The following EEA1 variants were observed in gnomAD, a reference collection of about 807,000 sequenced individuals.
EEA1 encodes the protein early endosome antigen 1.
A neutral mutation model predicts 209.2 loss-of-function variants in EEA1; 111 were observed. The ratio of observed to expected loss-of-function variants is 0.53; its 90% confidence interval spans 0.45 to 0.62. The LOEUF (loss-of-function observed/expected upper bound fraction) is 0.62. EEA1 is among the 20% of genes least tolerant of loss of function. The pLI, the probability that EEA1 is intolerant of heterozygous loss-of-function variation, is 0.00. For synonymous variants in EEA1, 536 were observed against 540.6 expected (o/e 0.99, Z 0.12); for missense variants, 1,343 against 1,530.8 (o/e 0.88, Z 2.05).
At chr12:92,866,148 T>G (rs368192793) in intron 2 of EEA1, among the ~76,000 whole-genome samples, 45 of 129,062 alleles carry the variant, frequency 3.5e-4, no homozygotes, top group African/African-American at 1.3e-3. Context: ...GCCAAGATCA[T>G]GTCACTGTAC....
intron 2 of EEA1, among the ~76,000 whole-genome samples, chr12:92,881,530 G>C (rs1879142716): frequency 6.6e-6 from 1 of 152,192 alleles, no homozygotes; most frequent in African/African-American, 2.4e-5. Context: ...AAAAACACCA[G>C]AAGAGAGGTA....
intron 10 of EEA1, among the ~76,000 whole-genome samples, chr12:92,833,535 T>G (rs187129882): frequency 6.6e-6 from 1 of 152,232 alleles, no homozygotes; most frequent in East Asian, 1.9e-4. Context: ...TCAGTGGGGT[T>G]GTAAAAATTA....
intron 3 of EEA1, chr12:92,859,411 T>C (rs1307256399): frequency 8.2e-6 from 5 of 611,186 alleles, no homozygotes; most frequent in Non-Finnish European, 1.2e-5. Context: ...CTCTAGTCAA[T>C]GACATGAATT....
chr12:92,827,185 G>A (rs61933752), intron 12 of EEA1, among the ~76,000 whole-genome samples: 31,612 of 151,918 alleles, frequency 0.21, 4,443 homozygotes, highest in Non-Finnish European at 0.31. Context: ...GTAAAACCCT[G>A]TCTCTACCAA....
At chr12:92,877,749 G>T (rs891919154) in intron 2 of EEA1, among the ~76,000 whole-genome samples, 2 of 152,054 alleles carry the variant, frequency 1.3e-5, no homozygotes, top group Non-Finnish European at 2.9e-5. Context: ...CTGATCTCGT[G>T]ATCTTGGCCT....
chr12:92,814,416 T>C (rs1311409028), intron 15 of EEA1, among the ~76,000 whole-genome samples: 1 of 152,218 alleles, frequency 6.6e-6, no homozygotes, highest in Non-Finnish European at 1.5e-5. Context: ...ATTTCATCTA[T>C]CTGAGGAACC....
intron 13 of EEA1, among the ~76,000 whole-genome samples, chr12:92,822,768 C>T (rs1436054198): frequency 1.3e-5 from 2 of 152,130 alleles, no homozygotes; most frequent in African/African-American, 2.4e-5. Context: ...TCTGATGTCT[C>T]TCTCGGTTAA....
intron 1 of EEA1, among the ~76,000 whole-genome samples, chr12:92,916,975 A>G (rs1479223941): frequency 6.6e-6 from 1 of 151,818 alleles, no homozygotes; most frequent in East Asian, 1.9e-4. Flanking sequence ...GACGCGATCA[A>G]CTGGAAGAAA....
chr12:92,869,790 G>GAAAAAAAAAAAAA (rs1230847458), intron 2 of EEA1, among the ~76,000 whole-genome samples: 6 of 69,050 alleles, frequency 8.7e-5, no homozygotes, highest in Non-Finnish European at 1.3e-4. Flanking sequence ...AAAAAAAAAG[G>GAAAAAAAAAAAAA]AAAGCCCTTA....
chr12:92,838,484 G>C (rs2136698480), intron 10 of EEA1, among the ~76,000 whole-genome samples: 1 of 152,296 alleles, frequency 6.6e-6, no homozygotes, highest in Non-Finnish European at 1.5e-5. Context: ...TTATGTAGAA[G>C]TTTTCTACGT....
intron 1 of EEA1, among the ~76,000 whole-genome samples, chr12:92,921,759 G>GAA (rs751838383): frequency 9.1e-5 from 7 of 76,718 alleles, no homozygotes; most frequent in East Asian, 1.1e-3. Context: ...TAAAAAAAAA[G>GAA]AAAAAAAAAA....
intron 27 of EEA1, 37 bp from the exon 28 acceptor site, chr12:92,776,979 C>T (rs1179618261): frequency 6.3e-7 from 1 of 1,589,560 alleles, no homozygotes. Context: ...TTATAGTATT[C>T]AACATTTTAA....
intron 3 of EEA1, chr12:92,858,259 C>A: frequency 1.4e-6 from 1 of 728,818 alleles, no homozygotes; most frequent in Non-Finnish European, 2.6e-6. Flanking sequence ...GAAACTGTTG[C>A]TAAAACTGGA....
chr12:92,864,802 A>G (rs1878300464), intron 3 of EEA1, 58 bp downstream of exon 3: 1 of 1,420,082 alleles, frequency 7.0e-7, no homozygotes, highest in Non-Finnish European at 9.3e-7. Context: ...ATCATGATTA[A>G]ACGACGATAC....
At chr12:92,906,875 T>C (rs1435505551) in intron 1 of EEA1, among the ~76,000 whole-genome samples, 1 of 152,126 alleles carries the variant, frequency 6.6e-6, no homozygotes. Flanking sequence ...CTCTATTTCA[T>C]CTGCATCCCA....
intron 1 of EEA1, among the ~76,000 whole-genome samples, chr12:92,899,976 T>TCCACATCTTGAGTATTTG (rs1340128952): frequency 2.0e-5 from 3 of 152,208 alleles, no homozygotes; most frequent in Admixed American, 2.0e-4. Context: ...GAATTTATCT[T>TCCACATCTTGAGTATTTG]CCACATCTTG....
chr12:92,809,523 TAA>T (rs57998627), intron 17 of EEA1, among the ~76,000 whole-genome samples: 11 of 107,016 alleles, frequency 1.0e-4, no homozygotes, highest in Admixed American at 3.1e-4. Flanking sequence ...TTATCTCTAC[TAA>T]AAAAAAAAAA....
intron 1 of EEA1, among the ~76,000 whole-genome samples, chr12:92,924,522 A>C (rs946169717): frequency 6.6e-6 from 1 of 151,956 alleles, no homozygotes; most frequent in African/African-American, 2.4e-5. Context: ...ACTTTTATAC[A>C]TATTAGTTAT....
At chr12:92,822,544 C>T (rs370598922) in intron 13 of EEA1, among the ~76,000 whole-genome samples, 7 of 148,510 alleles carry the variant, frequency 4.7e-5, no homozygotes, top group African/African-American at 1.0e-4. Flanking sequence ...CCCCAACTTT[C>T]GACCCTTCCT....
Sources: gnomAD v4.1 joint callset for allele counts (sites outside exome capture counted in the v4.1 genomes callset) on GRCh38, gnomAD v4.1.1 for gene constraint, MANE v1.5 for transcripts, NCBI Gene and HGNC (gene_info 2026-07-23, HGNC 2026-07-21) for gene names.